PRMT5: variants seen among roughly 807,000 people sequenced by gnomAD.
PRMT5 encodes the protein protein arginine methyltransferase 5.
Under a neutral mutation model 84.0 loss-of-function variants are expected in PRMT5, and 15 were observed. The observed-to-expected ratio is 0.18, with a 90% CI of 0.12 to 0.28. The LOEUF (loss-of-function observed/expected upper bound fraction) is 0.28, where lower values mean the gene tolerates loss of function less well. PRMT5 is among the 10% of genes least tolerant of loss of function. The probability of loss-of-function intolerance (pLI) is 1.00; values close to 1 mark genes in which losing one functional copy is unlikely to be tolerated. For synonymous variants in PRMT5, 276 were observed against 292.4 expected, an observed-to-expected ratio of 0.94 and a Z score of 0.57; for missense variants, 486 against 808.0, an observed-to-expected ratio of 0.60 and a Z score of 4.83.
Position 22,923,132 on chromosome 14 carries a change from G to A in PRMT5, c.1404C>T (p.Tyr468=), listed in dbSNP as rs748642468. Residue 468 remains tyrosine, a synonymous_variant, in exon 13 of 17, where the codon TAC becomes TAT. Coordinates refer to ENST00000324366, the MANE Select transcript of PRMT5 (RefSeq NM_006109.5). The surrounding 1 kb of genome is among the most constrained non-coding windows in gnomAD (Gnocchi z 5.2). ...AAGAGATGGGAGCCAGAAAGGAAGT[G>A]TACTCCCCGGGGATGCTCACACCAT... ...KDDGVSIPGE[Y]TSFLAPISSS... 12 of 1,613,312 alleles carry A rather than the reference G, an allele frequency of 7.4e-6. 1 individual carries two copies. In the South Asian group the frequency reaches 1.2e-4, roughly 16 times the overall value.
At position 22,926,164 on chromosome 14, in the gene PRMT5, A is replaced by G. The variant is rs966116048; in HGVS notation, c.746T>C (p.Met249Thr). ...GAGCCGGAAGATGAGCCTCTGGTGC[A>G]TCTTAGAAAGAACAGGAAATCCCTT... ...NKKGFPVLSK[M>T]HQRLIFRLLK... The change falls in exon 7 of 17, where the codon ATG (methionine) becomes ACG (threonine). Residue 249 changes from methionine (M) to threonine (T), a missense_variant. Around this residue, in one of 4 missense-constraint regions of PRMT5, gnomAD observed 215 missense variants for 301.1 expected, o/e 0.71. Transcript: ENST00000324366. 10 of 1,612,854 alleles carry G rather than the reference A, an allele frequency of 6.2e-6. No homozygotes were observed. The highest frequency in any genetic ancestry group is 1.1e-5 in the South Asian group (1 of 91,050).
chr14:22,927,919 G>A (rs1199175383), intron 3 of PRMT5, among the ~76,000 whole-genome samples: 2 of 151,730 alleles, frequency 1.3e-5, no homozygotes, highest in African/African-American at 4.8e-5. Flanking sequence ...ACGCTGCCCA[G>A]GCTGGTCTCG....
chr14:22,927,447 G>T, intron 4 of PRMT5, 79 bp downstream of exon 4: 1 of 1,572,292 alleles, frequency 6.4e-7, no homozygotes. Flanking sequence ...ACCCTTCACT[G>T]AATGGCTAGG....
Position 22,924,516 on chromosome 14 carries a change from C to G in PRMT5, c.1039G>C (p.Asp347His). ...YQQAIYKCLL[D>H]RVPEEEKDTN... The stretch of plus-strand genomic sequence containing the variant: ...TCCTTCTCCTCTTCTGGTACTCGGT[C>G]TAGCAGACATTTATAGATGGCCTGG... The change falls in exon 10 of 17, where the codon GAC becomes CAC. Residue 347 changes from aspartate to histidine, a missense_variant. Asp to His is a moderately conservative substitution (Grantham distance 81). This residue lies in a region of PRMT5 where 219 missense variants were observed against 433.6 expected (regional missense o/e 0.51). Transcript: ENST00000324366. This position sits in a 1 kb window ranked among gnomAD's most constrained non-coding sequence, Gnocchi z 6.5. The G allele has an allele frequency of 6.2e-7, 1 of 1,614,138 alleles. No homozygotes were observed. The highest frequency in any genetic ancestry group is 2.2e-5 in the East Asian group (1 of 44,882).
At position 22,928,400 on chromosome 14, in the gene PRMT5, A is replaced by G. The variant is rs534749141; in HGVS notation, c.229+97T>C. ...TTATCTATATCCCAGGGACTAACAA[A>G]TATATCCAAGTCAGAAAAGGAGGAG... On this transcript the variant is annotated intron_variant, in intron 2 of 16. Coordinates refer to ENST00000324366, the MANE Select transcript of PRMT5 (RefSeq NM_006109.5). The surrounding 1 kb of genome is among the most constrained non-coding windows in gnomAD (Gnocchi z 4.8). The G allele has an allele frequency of 8.2e-7, 1 of 1,220,472 alleles. No homozygotes were observed. The highest frequency in any genetic ancestry group is 1.2e-5 in the South Asian group (1 of 81,364). 75.6% of individuals were successfully genotyped at this position (1,220,472 alleles called of 1,614,324 possible). A position where few individuals can be genotyped will look rare whatever the true frequency, so the allele number is the denominator to read the frequency against.
rs2044380957 is a variant in PRMT5 at position 22,924,790 on chromosome 14, T to A, written c.940-81A>T. The A allele has an allele frequency of 1.3e-6, 2 of 1,590,612 alleles. No homozygotes were observed. Among genetic ancestry groups the A allele is most frequent in the South Asian group, 2.3e-5 (2 of 88,446 alleles). On this transcript the variant is annotated intron_variant, in intron 8 of 16. Coordinates refer to ENST00000324366, the MANE Select transcript of PRMT5 (RefSeq NM_006109.5). This position sits in a 1 kb window ranked among gnomAD's most constrained non-coding sequence, Gnocchi z 6.5. ...TAAAATATCAAAAACTTTCCACTGC[T>A]TTCTGAGTTTTAGTAAGATTTGGAG... is the stretch of plus-strand genomic sequence containing the variant.
chr14:22,926,444 C>T, intron 6 of PRMT5, 62 bp downstream of exon 6: 4 of 1,601,904 alleles, frequency 2.5e-6, no homozygotes, highest in Non-Finnish European at 3.4e-6. Flanking sequence ...TATGAAATTC[C>T]TGATTCTTAT....
rs115020706 is a variant in PRMT5, at chr14:22,923,192, A to T, written c.1376-32T>A. Reference sequence around the variant, plus strand: ...AGCAGGAGAGTCAAATTAGTTCCAGAGGGAGGGAAATGGTATGTCTGTACT... The same window carrying T: ...AGCAGGAGAGTCAAATTAGTTCCAGTGGGAGGGAAATGGTATGTCTGTACT... On this transcript the variant is annotated intron_variant, in intron 12 of 16. Coordinates refer to ENST00000324366, the MANE Select transcript of PRMT5 (RefSeq NM_006109.5). This position sits in a 1 kb window ranked among gnomAD's most constrained non-coding sequence, Gnocchi z 5.2. The T allele has an allele frequency of 1.9e-3, 2,890 of 1,510,972 alleles. 50 individuals are homozygous for T. The African/African-American group carries it at 0.036, about 19-fold the overall frequency. 93.6% of individuals were successfully genotyped at this position (1,510,972 alleles called of 1,614,324 possible). A position where few individuals can be genotyped will look rare whatever the true frequency, so the allele number is the denominator to read the frequency against.
rs1036923588 is a variant in PRMT5 at position 22,920,794 on chromosome 14, CCT to C, written c.*108_*109del. The C allele has an allele frequency of 4.9e-5, 72 of 1,463,422 alleles. No homozygotes were observed. In the Middle Eastern group the frequency reaches 7.0e-4, roughly 14 times the overall value. 90.7% of individuals were successfully genotyped at this position (1,463,422 alleles called of 1,614,324 possible). ...AGGCAGGAAAGCAGATTGAAATGCT[CCT>C]CTCTGATGGGCAAGGGGAATCACAG... is the stretch of plus-strand genomic sequence containing the variant. On this transcript the variant is annotated 3_prime_UTR_variant, in exon 17 of 17. Coordinates refer to ENST00000324366, the MANE Select transcript of PRMT5 (RefSeq NM_006109.5).
At chr14:22,925,247 C>T (rs2044393676) in intron 7 of PRMT5, among the ~76,000 whole-genome samples, 4 of 151,872 alleles carry the variant, frequency 2.6e-5, no homozygotes, top group Admixed American at 2.6e-4. Context: ...ACCTCCACCT[C>T]CCAGGTTCAA....
At position 22,927,523 on chromosome 14, in the gene PRMT5, T is replaced by C. The variant is rs1338230987; in HGVS notation, c.450+3A>G. 6.2e-7 allele frequency: 1 copy of C among 1,613,862 alleles called. No individual in the cohort carries two copies. The highest frequency in any genetic ancestry group is 8.5e-7 in the Non-Finnish European group (1 of 1,179,970). The stretch of plus-strand genomic sequence containing the variant: ...CAGCAGGAAAGGAGCCCCTCAGCTA[T>C]ACCATGGAAGAGTGATGGCCAGTGT... On this transcript the variant is annotated splice_donor_region_variant and intron_variant, in intron 4 of 16. Coordinates refer to ENST00000324366, the MANE Select transcript of PRMT5 (RefSeq NM_006109.5).
chr14:22,926,245 A>T lies in PRMT5; in HGVS notation c.665T>A (p.Leu222His), dbSNP rs747499939. The change falls in exon 7 of 17, where the codon CTT (leucine) becomes CAT (histidine). Residue 222 changes from leucine (L) to histidine (H), a missense_variant. This residue lies in a region of PRMT5 where 215 missense variants were observed against 301.1 expected (regional missense o/e 0.71). Coordinates refer to ENST00000324366, the MANE Select transcript of PRMT5 (RefSeq NM_006109.5). ...AATGGCTGCTTTGATGGGCTCCCCA[A>T]GCCAGCGATCAATGACATGATTAGA... is the stretch of plus-strand genomic sequence containing the variant. ...LPSNHVIDRW[L>H]GEPIKAAILP... The T allele has an allele frequency of 1.9e-6, 3 of 1,613,928 alleles. No individual in the cohort carries two copies. Among genetic ancestry groups the T allele is most frequent in the Admixed American group, 1.7e-5 (1 of 60,006 alleles).
intron 15 of PRMT5, 84 bp from the exon 16 acceptor site, chr14:22,922,324 C>CATAA (rs1555353202): frequency 7.2e-7 from 1 of 1,397,242 alleles, no homozygotes; most frequent in Non-Finnish European, 1.0e-6. Flanking sequence ...TCTCTAATCA[C>CATAA]ACAAAGATCT....
chr14:22,927,849 C>G (rs527375470), intron 3 of PRMT5, among the ~76,000 whole-genome samples, 189 bp from the exon 4 acceptor site: 1 of 152,006 alleles, frequency 6.6e-6, no homozygotes, highest in African/African-American at 2.4e-5. Flanking sequence ...GCTGGGACCA[C>G]AGGCATGCAC....
rs1296464610 is a variant in PRMT5, at chr14:22,928,216, A to G, written c.230-5T>C. ...CCACAATTAGCGTATTCCAGTCTGC[A>G]CTCCCCCACCCAAGAAAGACAAATA... On this transcript the variant is annotated splice_polypyrimidine_tract_variant and splice_region_variant and intron_variant, in intron 2 of 16. Coordinates refer to ENST00000324366, the MANE Select transcript of PRMT5 (RefSeq NM_006109.5). This position sits in a 1 kb window ranked among gnomAD's most constrained non-coding sequence, Gnocchi z 4.8. 1.2e-6 allele frequency: 2 copies of G among 1,613,466 alleles called. No individual in the cohort carries two copies. Among genetic ancestry groups the G allele is most frequent in the South Asian group, 2.2e-5 (2 of 91,050 alleles).
intron 13 of PRMT5, 63 bp from the exon 14 acceptor site, chr14:22,922,898 C>T (rs2044336095): frequency 6.5e-7 from 1 of 1,527,496 alleles, no homozygotes; most frequent in African/African-American, 1.4e-5. Flanking sequence ...ACTACTTCCC[C>T]AAGGATTAAA....
At position 22,924,420 on chromosome 14, in the gene PRMT5, G is replaced by C. The variant is rs745420503; in HGVS notation, c.1077-28C>G. 1 of 1,613,930 alleles carries C rather than the reference G, an allele frequency of 6.2e-7. No individual in the cohort carries two copies. Among genetic ancestry groups the C allele is most frequent in the East Asian group, 2.2e-5 (1 of 44,900 alleles). ...AAGAAAGAAAGGGAAGAGTCAAGCA[G>C]ACTTGGCATATACAGATATAGGTAT... On this transcript the variant is annotated intron_variant, in intron 10 of 16. Coordinates refer to ENST00000324366, the MANE Select transcript of PRMT5 (RefSeq NM_006109.5). The surrounding 1 kb of genome is among the most constrained non-coding windows in gnomAD (Gnocchi z 6.5).
Position 22,924,634 on chromosome 14 carries a change from G to C in PRMT5, c.1015C>G (p.Gln339Glu), listed in dbSNP as rs2044377687. ...TCACCCTGGGCACCACACAGTACCT[G>C]CTGGTACTGAGAGTATTTGATGGGG... ...KDPIKYSQYQ[Q>E]AIYKCLLDRV... The change falls in exon 9 of 17, where the codon CAG becomes GAG. Residue 339 changes from glutamine (Q) to glutamate (E), a missense_variant and splice_region_variant. Gln to Glu is a conservative substitution (Grantham distance 29). Around this residue, in one of 4 missense-constraint regions of PRMT5, gnomAD observed 219 missense variants for 433.6 expected, o/e 0.51. Transcript: ENST00000324366. This position sits in a 1 kb window ranked among gnomAD's most constrained non-coding sequence, Gnocchi z 6.5. 1 of 1,613,868 alleles carries C rather than the reference G, an allele frequency of 6.2e-7. No individual in the cohort carries two copies. Among genetic ancestry groups the C allele is most frequent in the Admixed American group, 1.7e-5 (1 of 59,990 alleles).
chr14:22,925,944 T>C (rs1325704888), intron 7 of PRMT5, among the ~76,000 whole-genome samples, 189 bp downstream of exon 7: 1 of 152,138 alleles, frequency 6.6e-6, no homozygotes, highest in Non-Finnish European at 1.5e-5. Flanking sequence ...TGAGGTTTGG[T>C]TTGTTTTGAA....
Sources: gnomAD v4.1 joint callset for allele counts (sites outside exome capture counted in the v4.1 genomes callset) on GRCh38, gnomAD v4.1.1 for gene constraint, gnomAD v4.1.1 regional missense constraint, Gnocchi (gnomAD v3.1) non-coding constraint, MANE v1.5 for transcripts, NCBI Gene and HGNC (gene_info 2026-07-23, HGNC 2026-07-21) for gene names.